PALS2: variants seen among roughly 807,000 people sequenced by gnomAD.
PALS2 encodes protein associated with LIN7 2, MAGUK p55 family member.
A neutral mutation model predicts 61.6 loss-of-function variants in PALS2; 27 were observed. That is an observed-to-expected ratio of 0.44 (90% CI 0.32 to 0.60). The LOEUF is 0.60. Among genes scored for constraint, PALS2 ranks in the 20% least tolerant of loss-of-function variants. The pLI is 0.05. For missense variants in PALS2, 554 were observed against 639.4 expected (o/e 0.87, Z 1.44); for synonymous variants, 236 against 218.6 (o/e 1.08, Z -0.70).
intron 9 of PALS2, among the ~76,000 whole-genome samples, chr7:24,669,876 G>A (rs190584979): frequency 1.6e-4 from 24 of 152,238 alleles, no homozygotes; most frequent in Middle Eastern, 3.4e-3. Context: ...TGTAATCAAC[G>A]TATGTTAAAG....
chr7:24,652,337 C>T (rs914581969), intron 5 of PALS2, among the ~76,000 whole-genome samples: 2 of 152,174 alleles, frequency 1.3e-5, no homozygotes, highest in African/African-American at 4.8e-5. Context: ...CAAATTCCTA[C>T]ATAGATTTTG....
chr7:24,644,510 A>G lies in PALS2; in HGVS notation c.270+2642A>G, dbSNP rs76883607. 8.6e-3 allele frequency among the ~76,000 whole-genome samples: 1,242 copies of G among 143,970 alleles called. 30 individuals are homozygous for G. The East Asian group carries it at 0.091, about 11-fold the overall frequency. The allele number at this position is 143,970 out of a possible 152,430, so 94.4% of individuals were successfully genotyped here. ...GGTATTCCATGGTGTGTGTGTGTGT[A>G]TATATATATATATCACATTTTCTTT... is the stretch of plus-strand genomic sequence containing the variant. On this transcript the variant is annotated intron_variant, in intron 3 of 11. Transcript: ENST00000222644.
At chr7:24,603,844 A>G (rs1783800109) in intron 1 of PALS2, among the ~76,000 whole-genome samples, 1 of 152,158 alleles carries the variant, frequency 6.6e-6, no homozygotes, top group Non-Finnish European at 1.5e-5. Flanking sequence ...TAAAAACTCA[A>G]ACTCTGAAAA....
intron 2 of PALS2, among the ~76,000 whole-genome samples, chr7:24,628,010 TCATTTTA>T (rs1784825095): frequency 6.6e-6 from 1 of 152,150 alleles, no homozygotes. Context: ...CCTCCCTAAC[TCATTTTA>T]TGAGGCCAGC....
intron 11 of PALS2, among the ~76,000 whole-genome samples, chr7:24,682,280 A>C (rs1162259922): frequency 1.3e-5 from 2 of 152,100 alleles, no homozygotes; most frequent in African/African-American, 2.4e-5. Flanking sequence ...GGGTACCTCT[A>C]ATCCTTTCTG....
intron 1 of PALS2, among the ~76,000 whole-genome samples, chr7:24,602,375 T>C (rs1783751279): frequency 6.6e-6 from 1 of 152,182 alleles, no homozygotes; most frequent in Non-Finnish European, 1.5e-5. Context: ...CCAAGATTCT[T>C]AGCTCATTAA....
At chr7:24,655,223 T>C (rs796226594) in intron 5 of PALS2, among the ~76,000 whole-genome samples, 14 of 152,202 alleles carry the variant, frequency 9.2e-5, no homozygotes, top group African/African-American at 2.9e-4. Context: ...AGTAATTCCC[T>C]AGAGCAATTC....
intron 1 of PALS2, among the ~76,000 whole-genome samples, chr7:24,579,132 A>G (rs1392689217): frequency 6.6e-6 from 1 of 152,256 alleles, no homozygotes; most frequent in African/African-American, 2.4e-5. Flanking sequence ...GAACAGAGTA[A>G]TTCTCAGAAA....
intron 1 of PALS2, among the ~76,000 whole-genome samples, chr7:24,607,017 C>T (rs948615997): frequency 2.0e-5 from 3 of 152,074 alleles, no homozygotes; most frequent in African/African-American, 7.2e-5. Flanking sequence ...GTGGAATTTT[C>T]CACTTGTGGT....
chr7:24,573,501 C>T lies in PALS2; in HGVS notation c.-95C>T, dbSNP rs959166225. 3 of 381,838 alleles carry T rather than the reference C, an allele frequency of 7.9e-6. No individual in the cohort carries two copies. The highest frequency in any genetic ancestry group is 2.1e-5 in the African/African-American group (1 of 47,254). The allele number at this position is 381,838 out of a possible 1,614,324, so 23.7% of individuals were successfully genotyped here. On this transcript the variant is annotated 5_prime_UTR_variant, in exon 1 of 12. Transcript: ENST00000222644. This position sits in a 1 kb window ranked among gnomAD's most constrained non-coding sequence, Gnocchi z 5.3. ...CCACGAGTTTGCAGATGGGGCTGCTCGGCGGCGCCTGTGGCTGAGGGAGAG... is the reference window on the plus strand; with the variant it reads ...CCACGAGTTTGCAGATGGGGCTGCTTGGCGGCGCCTGTGGCTGAGGGAGAG...
chr7:24,645,078 T>C (rs1038093508), intron 3 of PALS2, among the ~76,000 whole-genome samples: 1 of 152,180 alleles, frequency 6.6e-6, no homozygotes, highest in Admixed American at 6.5e-5. Context: ...TCTCACATTC[T>C]GTAGGCTCTT....
intron 1 of PALS2, among the ~76,000 whole-genome samples, chr7:24,583,692 G>A (rs1190866465): frequency 7.1e-6 from 1 of 140,852 alleles, no homozygotes. Flanking sequence ...TTAAGTTTTA[G>A]GGTACATGTG....
In PALS2 at chr7:24,687,488, A is replaced by G. The variant is rs1359809448; in HGVS notation, c.1497A>G (p.Ala499=). 1 of 1,612,900 alleles carries G rather than the reference A, an allele frequency of 6.2e-7. No homozygotes were observed. The highest frequency in any genetic ancestry group is 1.1e-5 in the South Asian group (1 of 90,760). The change falls in exon 12 of 12, where the codon GCA becomes GCG. Residue 499 remains alanine, a synonymous_variant. Coordinates refer to ENST00000222644, the MANE Select transcript of PALS2 (RefSeq NM_001303037.2). This position sits in a 1 kb window ranked among gnomAD's most constrained non-coding sequence, Gnocchi z 4.5. ...TVDESARIQR[A]YNHYFDLIII... Reference sequence around the variant, plus strand: ...ATGAAAGTGCACGGATTCAGAGAGCATACAACCACTATTTTGATTTGATCA... The same window carrying G: ...ATGAAAGTGCACGGATTCAGAGAGCGTACAACCACTATTTTGATTTGATCA...
intron 1 of PALS2, among the ~76,000 whole-genome samples, chr7:24,580,844 A>T (rs752978709): frequency 3.3e-5 from 5 of 152,192 alleles, no homozygotes; most frequent in African/African-American, 4.8e-5. Context: ...TGATAATATT[A>T]TAGATACCAC....
intron 1 of PALS2, among the ~76,000 whole-genome samples, chr7:24,619,202 T>C (rs938004000): frequency 1.2e-4 from 18 of 152,208 alleles, no homozygotes; most frequent in African/African-American, 4.1e-4. Context: ...CGCTTGATCT[T>C]TCTGTGTATC....
At chr7:24,610,155 ATTAT>A (rs1238485072) in intron 1 of PALS2, among the ~76,000 whole-genome samples, 3 of 152,220 alleles carry the variant, frequency 2.0e-5, no homozygotes, top group East Asian at 3.9e-4. Flanking sequence ...TTTTCCATGT[ATTAT>A]TTAGCAATAA....
At chr7:24,678,486 G>A (rs1422245481) in intron 9 of PALS2, among the ~76,000 whole-genome samples, 2 of 152,210 alleles carry the variant, frequency 1.3e-5, no homozygotes, top group Non-Finnish European at 2.9e-5. Flanking sequence ...CGTTGGTTTT[G>A]AGGTAAGATA....
intron 4 of PALS2, among the ~76,000 whole-genome samples, chr7:24,650,086 TA>T (rs1421871114): frequency 6.6e-6 from 1 of 152,116 alleles, no homozygotes; most frequent in Non-Finnish European, 1.5e-5. Context: ...TATCAAAATA[TA>T]AAAAGAAGTT....
At chr7:24,679,993 G>C (rs1392165096) in intron 10 of PALS2, among the ~76,000 whole-genome samples, 6 of 152,042 alleles carry the variant, frequency 3.9e-5, no homozygotes, top group Non-Finnish European at 8.8e-5. Context: ...TTTTGTGGTA[G>C]TTACTGTAGA....
Sources: allele counts gnomAD v4.1 joint callset (sites outside exome capture counted in the v4.1 genomes callset), GRCh38; gene constraint gnomAD v4.1.1; non-coding constraint Gnocchi (gnomAD v3.1); transcripts MANE v1.5; gene names NCBI Gene and HGNC (gene_info 2026-07-23, HGNC 2026-07-21).